ADGRL2: variants seen among roughly 807,000 people sequenced by gnomAD.
ADGRL2 encodes calcium-independent alpha-latrotoxin receptor 2.
A neutral mutation model predicts 157.4 loss-of-function variants in ADGRL2; 44 were observed. The ratio of observed to expected loss-of-function variants is 0.28; its 90% confidence interval spans 0.22 to 0.36. The LOEUF (loss-of-function observed/expected upper bound fraction) is 0.36, where lower values mean the gene tolerates loss of function less well. Ranked by LOEUF, ADGRL2 falls within the 10% of genes least tolerant of loss-of-function variation. ADGRL2 has a pLI of 1.00. For synonymous variants in ADGRL2, 585 were observed against 624.7 expected, an observed-to-expected ratio of 0.94 and a Z score of 0.95; for missense variants, 1,510 against 1,768.9, an observed-to-expected ratio of 0.85 and a Z score of 2.63.
chr1:81,882,394 GAGTAAAAAACCTTTTTTTAAAC>G (rs1276690411), intron 2 of ADGRL2, among the ~76,000 whole-genome samples: 1 of 152,084 alleles, frequency 6.6e-6, no homozygotes, highest in African/African-American at 2.4e-5. Context: ...TTAAAAACTA[GAGTAAAAAACCTTTTTTTAAAC>G]AGTAAAAAAT....
chr1:81,471,070 T>A (rs1481463259), intron 2 of ADGRL2, among the ~76,000 whole-genome samples: 1 of 152,150 alleles, frequency 6.6e-6, no homozygotes, highest in East Asian at 1.9e-4. Context: ...TTCAAGGATA[T>A]TTTTGAGGTC....
intron 1 of ADGRL2, among the ~76,000 whole-genome samples, chr1:81,346,517 TAGAG>T (rs1415344783): frequency 6.6e-6 from 1 of 152,174 alleles, no homozygotes; most frequent in Non-Finnish European, 1.5e-5. Flanking sequence ...TACCTGGAGA[TAGAG>T]ACTTTAGTGA....
At chr1:81,461,269 T>G (rs1235542590) in intron 2 of ADGRL2, among the ~76,000 whole-genome samples, 1 of 151,860 alleles carries the variant, frequency 6.6e-6, no homozygotes, top group Non-Finnish European at 1.5e-5. Context: ...CTTTCTTTTT[T>G]TCTTTTCTTT....
chr1:81,748,914 C>T (rs552625911), intron 1 of ADGRL2, among the ~76,000 whole-genome samples: 4 of 152,040 alleles, frequency 2.6e-5, no homozygotes, highest in Admixed American at 2.0e-4. Flanking sequence ...GTGCTCCACC[C>T]GCCTTGGCCT....
chr1:81,465,715 A>G (rs1160492830), intron 2 of ADGRL2, among the ~76,000 whole-genome samples: 1 of 152,124 alleles, frequency 6.6e-6, no homozygotes, highest in Non-Finnish European at 1.5e-5. Flanking sequence ...CTCACTGTTG[A>G]GCTCTGCTAT....
chr1:81,387,947 C>G (rs1301748879), intron 1 of ADGRL2, among the ~76,000 whole-genome samples: 1 of 152,004 alleles, frequency 6.6e-6, no homozygotes, highest in Non-Finnish European at 1.5e-5. Context: ...TTTTAGTTCT[C>G]AATGCTTTTT....
chr1:81,904,562 C>T (rs2094549943), intron 2 of ADGRL2, among the ~76,000 whole-genome samples: 1 of 152,052 alleles, frequency 6.6e-6, no homozygotes, highest in Admixed American at 6.6e-5. Flanking sequence ...AGTGGAAGGA[C>T]AAGGGAATGC....
intron 1 of ADGRL2, among the ~76,000 whole-genome samples, chr1:81,426,085 A>G (rs953079636): frequency 1.3e-5 from 2 of 152,160 alleles, no homozygotes; most frequent in African/African-American, 4.8e-5. Flanking sequence ...AGAAATGAAG[A>G]CTCAAAGACC....
Position 81,986,997 on chromosome 1 carries a change from A to G in ADGRL2, c.3605A>G (p.Asn1202Ser), listed in dbSNP as rs188777224. Residue 1202 changes from asparagine (N) to serine (S), a missense_variant, in exon 22 of 24, where the codon AAT (asparagine) becomes AGT (serine). This residue lies in a region of ADGRL2 where 497 missense variants were observed against 627.2 expected (regional missense o/e 0.79). Transcript: ENST00000686636. ...TTGCTCGCTGAAACAGTTGTATGTA[A>G]TGCCCCTTCAGCTCCTGTATTTAAC... ...NTLLAETVVCNAPSAPVFNSP... is the reference protein window; with the variant it reads ...NTLLAETVVCSAPSAPVFNSP... 875 of 1,611,690 alleles carry G rather than the reference A, an allele frequency of 5.4e-4. 6 individuals are homozygous for G. In the East Asian group the frequency reaches 0.015, roughly 28 times the overall value.
At chr1:81,707,859 T>C (rs762917535) in intron 1 of ADGRL2, among the ~76,000 whole-genome samples, 5 of 152,120 alleles carry the variant, frequency 3.3e-5, no homozygotes, top group Non-Finnish European at 5.9e-5. Context: ...GATATCTAGC[T>C]TGCTGGAAGA....
chr1:81,725,666 A>T (rs1261918558), intron 1 of ADGRL2, among the ~76,000 whole-genome samples: 1 of 152,202 alleles, frequency 6.6e-6, no homozygotes, highest in Non-Finnish European at 1.5e-5. Flanking sequence ...TTTCTTCTGG[A>T]TTCCTTATCT....
chr1:81,381,865 T>G (rs187503874), intron 1 of ADGRL2, among the ~76,000 whole-genome samples: 1 of 152,318 alleles, frequency 6.6e-6, no homozygotes, highest in East Asian at 1.9e-4. Context: ...AACATTTCCC[T>G]AAAGTCCTGT....
chr1:81,317,524 T>G (rs1034890896), intron 1 of ADGRL2, among the ~76,000 whole-genome samples: 5 of 152,222 alleles, frequency 3.3e-5, no homozygotes, highest in African/African-American at 1.2e-4. Flanking sequence ...GAGAGTTGTA[T>G]GTTGTATCAC....
At chr1:81,632,095 C>T (rs1362641375) in intron 3 of ADGRL2, among the ~76,000 whole-genome samples, 1 of 152,134 alleles carries the variant, frequency 6.6e-6, no homozygotes, top group Non-Finnish European at 1.5e-5. Flanking sequence ...TTACCAAGTA[C>T]CTATTATGTG....
chr1:81,672,024 G>A (rs992265768), intron 3 of ADGRL2, among the ~76,000 whole-genome samples: 11 of 152,198 alleles, frequency 7.2e-5, no homozygotes, highest in African/African-American at 2.7e-4. Flanking sequence ...AGCTTTTAGA[G>A]CTATCATTAT....
rs1454913037 is a variant in ADGRL2 at position 81,453,338 on chromosome 1, GA to G, written c.-248+8255del. Reference sequence around the variant, plus strand: ...GTTGGCACCAGGGTGAGAAGTAGATGAAAAAACGCCGAGAAAAACAAAGACA... The same window carrying G: ...GTTGGCACCAGGGTGAGAAGTAGATGAAAAACGCCGAGAAAAACAAAGACA... On this transcript the variant is annotated intron_variant, in intron 2 of 24. Coordinates refer to the ADGRL2 transcript ENST00000370721. 3.9e-5 allele frequency among the ~76,000 whole-genome samples: 6 copies of G among 151,978 alleles called. No individual in the cohort carries two copies. In the East Asian group the frequency reaches 1.2e-3, roughly 29 times the overall value.
At chr1:81,706,250 G>A (rs1337660831) in intron 1 of ADGRL2, among the ~76,000 whole-genome samples, 1 of 151,804 alleles carries the variant, frequency 6.6e-6, no homozygotes, top group Non-Finnish European at 1.5e-5. Flanking sequence ...TTTTTAAAAA[G>A]GGATGGAAAA....
At chr1:81,954,844 A>C (rs1296192943) in intron 10 of ADGRL2, among the ~76,000 whole-genome samples, 1 of 152,126 alleles carries the variant, frequency 6.6e-6, no homozygotes, top group Non-Finnish European at 1.5e-5. Flanking sequence ...ATAGTACCTC[A>C]CGCTAGCAAT....
chr1:81,836,977 G>C lies in ADGRL2; in HGVS notation c.-8G>C. On this transcript the variant is annotated 5_prime_UTR_variant, in exon 2 of 24. Coordinates refer to ENST00000686636, the MANE Select transcript of ADGRL2 (RefSeq NM_001366006.2). The stretch of plus-strand genomic sequence containing the variant: ...GGAATACAAAGAAAATACTTAAAGG[G>C]ATCAATAATGGTGTCTTCTGGTTGC... 1 of 1,562,194 alleles carries C rather than the reference G, an allele frequency of 6.4e-7. No individual in the cohort carries two copies. The highest frequency in any genetic ancestry group is 1.2e-5 in the South Asian group (1 of 85,294).
Sources: allele counts gnomAD v4.1 joint callset (sites outside exome capture counted in the v4.1 genomes callset), GRCh38; gene constraint gnomAD v4.1.1; regional missense constraint gnomAD v4.1.1; transcripts MANE v1.5; gene names NCBI Gene and HGNC (gene_info 2026-07-23, HGNC 2026-07-21).